The following NOS1AP variants were observed in gnomAD, a reference collection of about 807,000 sequenced individuals.
NOS1AP encodes carboxyl-terminal PDZ ligand of neuronal nitric oxide synthase protein.
In NOS1AP, 21 loss-of-function variants were observed where a neutral mutation model predicts 56.2. The observed-to-expected ratio is 0.37, with a 90% confidence interval of 0.26 to 0.54. The LOEUF (loss-of-function observed/expected upper bound fraction) is 0.54. Among genes scored for constraint, NOS1AP ranks in the 20% least tolerant of loss-of-function variants. The pLI is 0.84. For synonymous variants in NOS1AP, 270 were observed against 274.6 expected (o/e 0.98, Z 0.17); for missense variants, 522 against 657.8 (o/e 0.79, Z 2.26).
At chr1:162,202,810 T>C (rs1284361259) in intron 2 of NOS1AP, among the ~76,000 whole-genome samples, 2 of 152,342 alleles carry the variant, frequency 1.3e-5, no homozygotes, top group Admixed American at 6.5e-5. Context: ...GAAACTTAAC[T>C]TCAACTGGCT....
At chr1:162,240,157 C>T (rs771716097) in intron 2 of NOS1AP, among the ~76,000 whole-genome samples, 1 of 152,078 alleles carries the variant, frequency 6.6e-6, no homozygotes, top group Non-Finnish European at 1.5e-5. Context: ...TCTCAATAAG[C>T]CACAACAACT....
At position 162,191,603 on chromosome 1, in the gene NOS1AP, A is replaced by G. The variant is rs575496810; in HGVS notation, c.177+37127A>G. 2.6e-5 allele frequency among the ~76,000 whole-genome samples: 4 copies of G among 152,036 alleles called. No individual in the cohort carries two copies. In the South Asian group the frequency reaches 8.3e-4, roughly 32 times the overall value. On this transcript the variant is annotated intron_variant, in intron 2 of 9. Coordinates refer to ENST00000361897, the MANE Select transcript of NOS1AP (RefSeq NM_014697.3). ...TGTGTTTGGGCTGGCAGAAGAAGAT[A>G]AGGGATTCCAGAAATTCTTGCCGCG... is the stretch of plus-strand genomic sequence containing the variant.
At chr1:162,119,999 C>A (rs993907460) in intron 1 of NOS1AP, among the ~76,000 whole-genome samples, 6 of 152,034 alleles carry the variant, frequency 3.9e-5, no homozygotes, top group African/African-American at 1.4e-4. Context: ...GTCTTTGGTG[C>A]TGCTGGTGGG....
At chr1:162,342,004 C>T (rs1332014360) in intron 5 of NOS1AP, among the ~76,000 whole-genome samples, 2 of 152,094 alleles carry the variant, frequency 1.3e-5, no homozygotes, top group Non-Finnish European at 2.9e-5. Context: ...TTCTCAACTT[C>T]CTGTGCAGAT....
At chr1:162,308,145 G>A (rs778207139) in intron 4 of NOS1AP, among the ~76,000 whole-genome samples, 11 of 152,256 alleles carry the variant, frequency 7.2e-5, no homozygotes, top group Admixed American at 1.3e-4. Flanking sequence ...TTGGAAAGTA[G>A]ACCCATTCCC....
chr1:162,214,839 ATTTG>A (rs755204738), intron 2 of NOS1AP, among the ~76,000 whole-genome samples: 2 of 152,182 alleles, frequency 1.3e-5, no homozygotes, highest in African/African-American at 2.4e-5. Flanking sequence ...GTACGCTAAC[ATTTG>A]TTTGTTAGTC....
At chr1:162,345,519 C>T (rs1425247120) in intron 6 of NOS1AP, among the ~76,000 whole-genome samples, 1 of 152,094 alleles carries the variant, frequency 6.6e-6, no homozygotes, top group Non-Finnish European at 1.5e-5. Context: ...TAAAGCAGCA[C>T]TCAGAGGAAA....
At chr1:162,324,153 AC>A (rs1463413846) in intron 4 of NOS1AP, among the ~76,000 whole-genome samples, 8 of 258 alleles carry the variant, frequency 0.031, no homozygotes, top group African/African-American at 0.063. Context: ...GTCTCTGAGC[AC>A]AACCCTCAGG....
In NOS1AP at chr1:162,289,388, C is replaced by G. The variant is rs945777037; in HGVS notation, c.270+1952C>G. Among the ~76,000 whole-genome samples the G allele has an allele frequency of 5.3e-5, 8 of 151,872 alleles. No homozygotes were observed. The East Asian group carries it at 7.7e-4, about 15-fold the overall frequency. On this transcript the variant is annotated intron_variant, in intron 3 of 9. Coordinates refer to ENST00000361897, the MANE Select transcript of NOS1AP (RefSeq NM_014697.3). ...TCTTGGCTCACTGCAACCTCCACCC[C>G]CTGAGTTCAACTGATTCTCCTGCCT...
intron 2 of NOS1AP, among the ~76,000 whole-genome samples, chr1:162,270,590 G>A (rs1383972122): frequency 6.6e-6 from 1 of 152,182 alleles, no homozygotes; most frequent in Admixed American, 6.5e-5. Context: ...GGGATGTTTT[G>A]GATAGATTAA....
At chr1:162,300,600 AAC>A (rs1655617633) in intron 3 of NOS1AP, 31 bp from the exon 4 acceptor site, 2 of 1,584,548 alleles carry the variant, frequency 1.3e-6, no homozygotes, top group Non-Finnish European at 1.7e-6. Flanking sequence ...CTGGTCCTGT[AAC>A]TGAGGACAAG....
At chr1:162,197,288 A>G (rs1370500407) in intron 2 of NOS1AP, among the ~76,000 whole-genome samples, 1 of 152,208 alleles carries the variant, frequency 6.6e-6, no homozygotes, top group East Asian at 1.9e-4. Context: ...ACAAAGGGAA[A>G]ATCTGGCTTG....
chr1:162,316,437 G>A (rs371530561), intron 4 of NOS1AP, among the ~76,000 whole-genome samples: 4 of 152,218 alleles, frequency 2.6e-5, no homozygotes, highest in Non-Finnish European at 5.9e-5. Context: ...CTGGTTGGCC[G>A]AGGATGCCAG....
intron 2 of NOS1AP, among the ~76,000 whole-genome samples, chr1:162,239,179 G>A (rs1193030063): frequency 6.6e-6 from 1 of 152,176 alleles, no homozygotes; most frequent in African/African-American, 2.4e-5. Flanking sequence ...GTCTTTTACT[G>A]TAAGAAGATT....
At chr1:162,306,396 T>G (rs1292574913) in intron 4 of NOS1AP, among the ~76,000 whole-genome samples, 1 of 152,120 alleles carries the variant, frequency 6.6e-6, no homozygotes, top group Non-Finnish European at 1.5e-5. Context: ...CCCTGGCACC[T>G]TGACATCCAT....
intron 2 of NOS1AP, among the ~76,000 whole-genome samples, chr1:162,194,931 G>A (rs534922758): frequency 2.0e-5 from 3 of 152,274 alleles, no homozygotes; most frequent in South Asian, 2.1e-4. Flanking sequence ...CTGGCCAGCA[G>A]TATTTCCCCT....
rs189603098 is a variant in NOS1AP at position 162,105,540 on chromosome 1, C to T, written c.105+35258C>T. Among the ~76,000 whole-genome samples the T allele has an allele frequency of 2.0e-5, 3 of 152,330 alleles. No homozygotes were observed. The East Asian group carries it at 5.8e-4, about 29-fold the overall frequency. On this transcript the variant is annotated intron_variant, in intron 1 of 9. Transcript: ENST00000361897. ...TACCAAACTGCAGAGATGGTGGCCGCCTCTCCCCCTGGGAGCTTTGTAGTA... is the reference window on the plus strand; with the variant it reads ...TACCAAACTGCAGAGATGGTGGCCGTCTCTCCCCCTGGGAGCTTTGTAGTA...
At chr1:162,130,807 T>C (rs985332227) in intron 1 of NOS1AP, among the ~76,000 whole-genome samples, 1 of 152,206 alleles carries the variant, frequency 6.6e-6, no homozygotes, top group Non-Finnish European at 1.5e-5. Flanking sequence ...TTGTTGATCA[T>C]CAGAATCATC....
At chr1:162,308,587 A>T (rs891366101) in intron 4 of NOS1AP, among the ~76,000 whole-genome samples, 4 of 152,164 alleles carry the variant, frequency 2.6e-5, no homozygotes, top group Non-Finnish European at 5.9e-5. Flanking sequence ...CACACCACTG[A>T]TGGGCTGTGT....
Sources: gnomAD v4.1 joint callset for allele counts (sites outside exome capture counted in the v4.1 genomes callset) on GRCh38, gnomAD v4.1.1 for gene constraint, MANE v1.5 for transcripts, NCBI Gene and HGNC (gene_info 2026-07-23, HGNC 2026-07-21) for gene names.